Variants in TIAM1 observed in about 807,000 individuals in gnomAD.
TIAM1 encodes the protein TIAM Rac1 associated GEF 1.
A neutral mutation model predicts 163.5 loss-of-function variants in TIAM1; 65 were observed. That is an observed-to-expected ratio of 0.40 (90% CI 0.33 to 0.49). The LOEUF is 0.49. Among genes scored for constraint, TIAM1 ranks in the 20% least tolerant of loss-of-function variants. The probability of loss-of-function intolerance (pLI) is 0.77; values close to 1 mark genes in which losing one functional copy is unlikely to be tolerated. For missense variants in TIAM1, 1,789 were observed against 2,044.7 expected (o/e 0.87, Z 2.41); for synonymous variants, 833 against 810.1 (o/e 1.03, Z -0.48).
intron 2 of TIAM1, among the ~76,000 whole-genome samples, chr21:31,422,565 A>G (rs1273883449): frequency 6.6e-6 from 1 of 152,128 alleles, no homozygotes; most frequent in African/African-American, 2.4e-5. Flanking sequence ...GAACATACAT[A>G]TAACAAAAAC....
intron 16 of TIAM1, among the ~76,000 whole-genome samples, chr21:31,155,662 G>A (rs375239905): frequency 7.4e-4 from 113 of 152,138 alleles, no homozygotes; most frequent in African/African-American, 1.8e-3. Flanking sequence ...CCGCCACCAC[G>A]CCCGGCTATT....
intron 1 of TIAM1, among the ~76,000 whole-genome samples, chr21:31,479,372 G>C (rs2046033600): frequency 3.5e-5 from 1 of 28,228 alleles, no homozygotes; most frequent in Non-Finnish European, 8.3e-5. Flanking sequence ...TGGATGATTG[G>C]ATGGATGGAT....
At chr21:31,325,968 T>C (rs765308845) in intron 2 of TIAM1, among the ~76,000 whole-genome samples, 1 of 152,210 alleles carries the variant, frequency 6.6e-6, no homozygotes, top group Non-Finnish European at 1.5e-5. Context: ...ACATTTAAAA[T>C]TGAAGAAGAG....
At chr21:31,379,976 G>A (rs2076750198) in intron 2 of TIAM1, among the ~76,000 whole-genome samples, 1 of 152,132 alleles carries the variant, frequency 6.6e-6, no homozygotes, top group Non-Finnish European at 1.5e-5. Context: ...TAAAATTATG[G>A]AACTGGCAGG....
chr21:31,208,263 T>C (rs1279977322), intron 11 of TIAM1, among the ~76,000 whole-genome samples: 3 of 152,224 alleles, frequency 2.0e-5, no homozygotes, highest in Non-Finnish European at 4.4e-5. Flanking sequence ...TGGCTTAACC[T>C]TCGATTCCTG....
intron 1 of TIAM1, among the ~76,000 whole-genome samples, chr21:31,518,661 T>G (rs1454584421): frequency 6.6e-6 from 1 of 152,072 alleles, no homozygotes; most frequent in Non-Finnish European, 1.5e-5. Flanking sequence ...CTTCATCTTT[T>G]TCAACAATAA....
intron 7 of TIAM1, among the ~76,000 whole-genome samples, chr21:31,224,421 G>A (rs1027677707): frequency 5.3e-5 from 8 of 152,230 alleles, no homozygotes; most frequent in Admixed American, 3.9e-4. Flanking sequence ...GTAAAGTGCT[G>A]ATGTATGCTA....
At chr21:31,183,614 T>C (rs972643184) in intron 14 of TIAM1, among the ~76,000 whole-genome samples, 1 of 151,986 alleles carries the variant, frequency 6.6e-6, no homozygotes. Flanking sequence ...AAAATGACCC[T>C]ACAAAGAAGT....
intron 2 of TIAM1, among the ~76,000 whole-genome samples, chr21:31,458,859 G>A (rs953526844): frequency 9.9e-5 from 15 of 152,142 alleles, no homozygotes; most frequent in African/African-American, 3.6e-4. Flanking sequence ...GAAGTGAATG[G>A]CTAGCCAGGC....
intron 1 of TIAM1, among the ~76,000 whole-genome samples, chr21:31,482,060 AGTGTGT>A (rs10523425): frequency 0.12 from 17,410 of 145,614 alleles, 1,636 homozygotes; most frequent in East Asian, 0.48. Context: ...ACTGGGACAA[AGTGTGT>A]GTGTGTGTGT....
Position 31,119,603 on chromosome 21 carries a change from G to A in TIAM1, c.*765C>T, listed in dbSNP as rs181982389. 6.6e-6 allele frequency: 1 copy of A among 152,650 alleles called. No individual in the cohort carries two copies. Among genetic ancestry groups the A allele is most frequent in the African/African-American group, 2.4e-5 (1 of 41,532 alleles). 9.5% of individuals were successfully genotyped at this position (152,650 alleles called of 1,614,324 possible). On this transcript the variant is annotated 3_prime_UTR_variant, in exon 28 of 28. Coordinates refer to ENST00000541036, the MANE Select transcript of TIAM1 (RefSeq NM_001353694.2). ...GTTATATCCTCATTTTTTAGGCTCAGGGATACATACACTAACACTGTAAAA... is the reference window on the plus strand; with the variant it reads ...GTTATATCCTCATTTTTTAGGCTCAAGGATACATACACTAACACTGTAAAA...
Position 31,141,508 on chromosome 21 carries a change from G to A in TIAM1, c.3476-4C>T, listed in dbSNP as rs1460175509. ...TTGAAAGCCGTGTCTGTCTTGGCTG[G>A]CAGGGTTTAAACACAGGTCATGGGG... On this transcript the variant is annotated splice_region_variant and splice_polypyrimidine_tract_variant and intron_variant, in intron 20 of 27. Coordinates refer to ENST00000541036, the MANE Select transcript of TIAM1 (RefSeq NM_001353694.2). This position sits in a 1 kb window ranked among gnomAD's most constrained non-coding sequence, Gnocchi z 4.7. The A allele has an allele frequency of 1.2e-6, 2 of 1,613,424 alleles. No individual in the cohort carries two copies.
chr21:31,210,592 A>G (rs8128848), intron 10 of TIAM1, among the ~76,000 whole-genome samples: 31 of 88,740 alleles, frequency 3.5e-4, no homozygotes, highest in Admixed American at 5.2e-4. Flanking sequence ...GAAAGAAAGA[A>G]AGAGAGAAAG....
chr21:31,364,874 A>G (rs1325685089), intron 2 of TIAM1, among the ~76,000 whole-genome samples: 2 of 152,224 alleles, frequency 1.3e-5, no homozygotes, highest in African/African-American at 4.8e-5. Flanking sequence ...TTTTCTTTAA[A>G]GAATCAGATA....
chr21:31,511,678 G>A (rs2047215182), intron 1 of TIAM1, among the ~76,000 whole-genome samples: 1 of 152,286 alleles, frequency 6.6e-6, no homozygotes, highest in East Asian at 1.9e-4. Context: ...AAATCCCGAA[G>A]AATCCTGGGT....
rs939564555 is a variant in TIAM1, at chr21:31,311,765, G to A, written c.-189+27478C>T. 2.6e-5 allele frequency among the ~76,000 whole-genome samples: 4 copies of A among 152,322 alleles called. No individual in the cohort carries two copies. In the South Asian group the frequency reaches 8.3e-4, roughly 32 times the overall value. ...TACTGAGTGTCAACTTGATTGGATT[G>A]AGGGATGCAAAATATTGTTCTGGGT... is the stretch of plus-strand genomic sequence containing the variant. On this transcript the variant is annotated intron_variant, in intron 2 of 27. Coordinates refer to ENST00000541036, the MANE Select transcript of TIAM1 (RefSeq NM_001353694.2).
At chr21:31,321,966 T>G (rs1260436519) in intron 2 of TIAM1, among the ~76,000 whole-genome samples, 1 of 151,892 alleles carries the variant, frequency 6.6e-6, no homozygotes, top group Non-Finnish European at 1.5e-5. Flanking sequence ...GGCACAAGAA[T>G]CACTTGAACT....
At chr21:31,270,187 G>T (rs1362602251) in intron 3 of TIAM1, among the ~76,000 whole-genome samples, 1 of 151,994 alleles carries the variant, frequency 6.6e-6, no homozygotes, top group Non-Finnish European at 1.5e-5. Flanking sequence ...TTTTTTTACG[G>T]CTTCCACAAG....
At chr21:31,548,132 C>CTTTTTTTTTTTTTTTT in intron 1 of TIAM1, among the ~76,000 whole-genome samples, 1 of 74,994 alleles carries the variant, frequency 1.3e-5, no homozygotes, top group Non-Finnish European at 2.4e-5. Context: ...TTATTTGTGT[C>CTTTTTTTTTTTTTTTT]TTTTTTTTTT....
Sources: allele counts gnomAD v4.1 joint callset (sites outside exome capture counted in the v4.1 genomes callset), GRCh38; gene constraint gnomAD v4.1.1; non-coding constraint Gnocchi (gnomAD v3.1); transcripts MANE v1.5; gene names NCBI Gene and HGNC (gene_info 2026-07-23, HGNC 2026-07-21).